TULP4: variants seen among roughly 807,000 people sequenced by gnomAD.
TULP4 encodes TUB like protein 4, also known as tubby-related protein 4.
A neutral mutation model predicts 129.0 loss-of-function variants in TULP4; 16 were observed. The observed-to-expected ratio is 0.12, with a 90% CI of 0.08 to 0.19. The LOEUF (loss-of-function observed/expected upper bound fraction) is 0.19. Ranked by LOEUF, TULP4 falls within the 10% of genes least tolerant of loss-of-function variation. TULP4 has a pLI of 1.00. For synonymous variants in TULP4, 998 were observed against 854.0 expected (o/e 1.17, Z -2.94); for missense variants, 1,842 against 2,059.1 (o/e 0.89, Z 2.04).
Position 158,502,419 on chromosome 6 carries a change from C to T in TULP4, c.2756C>T (p.Pro919Leu), listed in dbSNP as rs141158549. ...CSQNTYTLPGPGSSATLRLTA... is the reference protein window; with the variant it reads ...CSQNTYTLPGLGSSATLRLTA... ...CAGAACACGTACACCCTCCCCGGCC[C>T]GGGTAGCTCTGCCACCTTGAGGCTC... The change falls in exon 13 of 14, where the codon CCG becomes CTG. Residue 919 changes from proline to leucine, a missense_variant. Physicochemically the swap from Pro to Leu is moderately conservative, Grantham distance 98. This residue lies in a region of TULP4 where 1,089 missense variants were observed against 987.1 expected (regional missense o/e 1.10). Coordinates refer to ENST00000367097, the MANE Select transcript of TULP4 (RefSeq NM_020245.5). The T allele has an allele frequency of 3.9e-4, 625 of 1,613,586 alleles. No individual in the cohort carries two copies. The highest frequency in any genetic ancestry group is 8.3e-4 in the South Asian group (76 of 91,054).
At chr6:158,243,048 A>G (rs1777954743) in intron 1 of TULP4, among the ~76,000 whole-genome samples, 2 of 152,076 alleles carry the variant, frequency 1.3e-5, no homozygotes, top group African/African-American at 4.8e-5. Context: ...CGGCCTCCCA[A>G]AGTGCTGGGA....
intron 5 of TULP4, 111 bp downstream of exon 5, chr6:158,452,379 C>G (rs1258556563): frequency 7.1e-7 from 1 of 1,407,184 alleles, no homozygotes; most frequent in Admixed American, 2.4e-5. Flanking sequence ...TGTGGTGACA[C>G]CTTCTGGGCT....
upstream of TULP4, among the ~76,000 whole-genome samples, chr6:158,281,829 T>A (rs1333750580): frequency 6.6e-6 from 1 of 152,208 alleles, no homozygotes; most frequent in Non-Finnish European, 1.5e-5. Context: ...ATTGTCTTTG[T>A]CCCTTCCACC....
chr6:158,273,951 C>T (rs1208483682), intron 1 of TULP4, among the ~76,000 whole-genome samples: 1 of 152,182 alleles, frequency 6.6e-6, no homozygotes, highest in Non-Finnish European at 1.5e-5. Flanking sequence ...ACTTGCTCCA[C>T]GTCCCTCGGT....
intron 2 of TULP4, among the ~76,000 whole-genome samples, chr6:158,420,362 G>A (rs532408140): frequency 3.2e-4 from 49 of 152,186 alleles, no homozygotes; most frequent in Non-Finnish European, 5.3e-4. Flanking sequence ...CCTGTTCTAC[G>A]ACTTAAATAA....
intron 2 of TULP4, among the ~76,000 whole-genome samples, chr6:158,427,283 CAGAA>C (rs2115051116): frequency 6.6e-6 from 1 of 152,188 alleles, no homozygotes; most frequent in Non-Finnish European, 1.5e-5. Context: ...CAACCAGTGA[CAGAA>C]AGCAGATCAC....
intron 1 of TULP4, among the ~76,000 whole-genome samples, chr6:158,346,547 A>G (rs372475558): frequency 1.3e-4 from 20 of 152,238 alleles, no homozygotes; most frequent in African/African-American, 3.9e-4. Context: ...CCAAACCTGC[A>G]GTATCTACAA....
intron 1 of TULP4, among the ~76,000 whole-genome samples, chr6:158,306,172 G>T (rs762427959): frequency 2.0e-5 from 3 of 152,082 alleles, no homozygotes; most frequent in African/African-American, 7.2e-5. Context: ...TTAAAGTTTG[G>T]TTAAAAACCT....
intron 1 of TULP4, among the ~76,000 whole-genome samples, chr6:158,390,960 C>T (rs1036693158): frequency 1.3e-5 from 2 of 152,076 alleles, no homozygotes; most frequent in South Asian, 4.2e-4. Context: ...GGGGTCTGAA[C>T]CTGTAGTCTG....
intron 1 of TULP4, among the ~76,000 whole-genome samples, chr6:158,384,692 G>C (rs1311984677): frequency 6.6e-6 from 1 of 152,138 alleles, no homozygotes; most frequent in Non-Finnish European, 1.5e-5. Context: ...GTCTAAATTG[G>C]GTTTGAGGTG....
intron 1 of TULP4, among the ~76,000 whole-genome samples, chr6:158,258,557 C>T (rs118067846): frequency 0.032 from 4,806 of 152,216 alleles, 99 homozygotes; most frequent in Non-Finnish European, 0.04. Flanking sequence ...GCAGAAGGTC[C>T]GTCCTTGCTG....
intron 1 of TULP4, among the ~76,000 whole-genome samples, chr6:158,365,642 A>C (rs1327984034): frequency 6.6e-6 from 1 of 150,740 alleles, no homozygotes; most frequent in East Asian, 2.0e-4. Context: ...ATGCCCAGCT[A>C]ATTTTTTGTT....
At chr6:158,457,254 T>C (rs1779313156) in intron 5 of TULP4, among the ~76,000 whole-genome samples, 1 of 152,200 alleles carries the variant, frequency 6.6e-6, no homozygotes, top group Non-Finnish European at 1.5e-5. Context: ...ACTCGCACTA[T>C]TGTTTTAGTG....
intron 11 of TULP4, among the ~76,000 whole-genome samples, chr6:158,497,804 G>A (rs1008015712): frequency 1.3e-5 from 2 of 152,320 alleles, no homozygotes; most frequent in East Asian, 3.9e-4. Context: ...GACAAAGGAG[G>A]CCTGCTGTGC....
At chr6:158,302,275 G>T in intron 1 of TULP4, among the ~76,000 whole-genome samples, 1 of 152,240 alleles carries the variant, frequency 6.6e-6, no homozygotes, top group East Asian at 1.9e-4. Flanking sequence ...TTGATAGATG[G>T]TACAGTAAAA....
At chr6:158,242,411 G>T in intron 1 of TULP4, 1 of 1,330,804 alleles carries the variant, frequency 7.5e-7, no homozygotes, top group Non-Finnish European at 1.1e-6. Context: ...CATCGTGGGA[G>T]TTTCGGACGA....
chr6:158,322,820 C>A (rs1197667997), intron 1 of TULP4, among the ~76,000 whole-genome samples: 1 of 152,142 alleles, frequency 6.6e-6, no homozygotes, highest in Non-Finnish European at 1.5e-5. Context: ...GAGGGTGAAA[C>A]GTGGACTTCG....
intron 1 of TULP4, among the ~76,000 whole-genome samples, chr6:158,248,605 A>G (rs918428669): frequency 6.6e-6 from 1 of 151,654 alleles, no homozygotes; most frequent in East Asian, 2.0e-4. Flanking sequence ...CTAGCTGGGC[A>G]TGGTGGTGCA....
chr6:158,415,420 A>C (rs1487022505), intron 2 of TULP4, among the ~76,000 whole-genome samples: 1 of 149,028 alleles, frequency 6.7e-6, no homozygotes, highest in Admixed American at 6.7e-5. Context: ...CACGATCTCA[A>C]CTCACTGCAA....
Sources: gnomAD v4.1 joint callset for allele counts (sites outside exome capture counted in the v4.1 genomes callset) on GRCh38, gnomAD v4.1.1 for gene constraint, gnomAD v4.1.1 regional missense constraint, MANE v1.5 for transcripts, NCBI Gene and HGNC (gene_info 2026-07-23, HGNC 2026-07-21) for gene names.